PCBP3: variants seen among roughly 807,000 people sequenced by gnomAD.
PCBP3 encodes the protein poly(rC) binding protein 3.
Under a neutral mutation model 52.7 loss-of-function variants are expected in PCBP3, and 25 were observed. The ratio of observed to expected loss-of-function variants is 0.47; its 90% confidence interval spans 0.35 to 0.66. The LOEUF is 0.66. Ranked by LOEUF, PCBP3 falls within the 30% of genes least tolerant of loss-of-function variation. PCBP3 has a pLI of 0.01. For synonymous variants in PCBP3, 162 were observed against 183.0 expected, an observed-to-expected ratio of 0.89 and a Z score of 0.93; for missense variants, 391 against 490.3, an observed-to-expected ratio of 0.80 and a Z score of 1.91.
At chr21:45,861,966 G>C (rs1436661317) in intron 5 of PCBP3, among the ~76,000 whole-genome samples, 1 of 152,214 alleles carries the variant, frequency 6.6e-6, no homozygotes, top group Non-Finnish European at 1.5e-5. Context: ...CGCCTGGGAA[G>C]GGTCGGCCTG....
In PCBP3 at chr21:45,704,617, A is replaced by T. The variant is rs142677634; in HGVS notation, c.-199-30775A>T. On this transcript the variant is annotated intron_variant, in intron 2 of 17. Transcript: ENST00000681687. This position sits in a 1 kb window ranked among gnomAD's most constrained non-coding sequence, Gnocchi z 4.1. The stretch of plus-strand genomic sequence containing the variant: ...TAAAACATTGTCTAAGTGAAGGGCA[A>T]TCGTATTTGAAGTAATTTGAAGATT... 1.3e-5 allele frequency among the ~76,000 whole-genome samples: 2 copies of T among 152,116 alleles called. No individual in the cohort carries two copies. Among genetic ancestry groups the T allele is most frequent in the Non-Finnish European group, 2.9e-5 (2 of 68,028 alleles).
intron 4 of PCBP3, among the ~76,000 whole-genome samples, chr21:45,785,019 C>T (rs1363298374): frequency 2.6e-5 from 4 of 151,064 alleles, no homozygotes; most frequent in African/African-American, 4.9e-5. Flanking sequence ...AAGTGAGGAG[C>T]GTCTCTGCCC....
chr21:45,779,173 C>G (rs966560704), intron 4 of PCBP3, among the ~76,000 whole-genome samples: 3 of 152,224 alleles, frequency 2.0e-5, no homozygotes, highest in Admixed American at 6.5e-5. Context: ...GAAAATGGTG[C>G]CTTGCTGTAG....
At chr21:45,864,648 T>C (rs2094640046) in intron 5 of PCBP3, among the ~76,000 whole-genome samples, 1 of 152,196 alleles carries the variant, frequency 6.6e-6, no homozygotes, top group African/African-American at 2.4e-5. Context: ...TTAGTCACAT[T>C]TCCTGCTCCT....
chr21:45,740,377 T>A (rs1011703549), intron 3 of PCBP3, among the ~76,000 whole-genome samples: 3 of 152,176 alleles, frequency 2.0e-5, no homozygotes, highest in African/African-American at 7.2e-5. Context: ...TTAAAAAAAA[T>A]TATTCCCTTG....
At position 45,821,183 on chromosome 21, in the gene PCBP3, T is replaced by C. The variant is rs2877093; in HGVS notation, c.-125-28778T>C. Among the ~76,000 whole-genome samples the C allele has an allele frequency of 0.028, 4,277 of 152,086 alleles. 220 individuals are homozygous for C. The highest frequency in any genetic ancestry group is 0.096 in the African/African-American group (3,985 of 41,476). ...CTGCTCCCCCTTCCCGGTTCCCACT[T>C]TTTGCCTGGCAGGCTGGGAGGGACC... On this transcript the variant is annotated intron_variant, in intron 4 of 17. Coordinates refer to ENST00000681687, the MANE Select transcript of PCBP3 (RefSeq NM_001384156.1). The surrounding 1 kb of genome is among the most constrained non-coding windows in gnomAD (Gnocchi z 4.4).
chr21:45,787,457 A>G (rs2091243213), intron 4 of PCBP3, among the ~76,000 whole-genome samples: 1 of 151,166 alleles, frequency 6.6e-6, no homozygotes, highest in Admixed American at 6.6e-5. Flanking sequence ...TGTGTTGCCC[A>G]TGCTGGTCTC....
At position 45,912,571 on chromosome 21, in the gene PCBP3, T is replaced by C. The variant is rs1264252150; in HGVS notation, c.601-1380T>C. On this transcript the variant is annotated intron_variant, in intron 11 of 17. Transcript: ENST00000681687. ...CTGAGAATACAGACATCGCCACAGA[T>C]GGTGCCCTGCCCACCCAGGGCCCAG... Among the ~76,000 whole-genome samples the C allele has an allele frequency of 5.9e-5, 9 of 152,156 alleles. No individual in the cohort carries two copies. The East Asian group carries it at 1.7e-3, about 30-fold the overall frequency.
At chr21:45,721,778 C>T (rs1298926693) in intron 2 of PCBP3, among the ~76,000 whole-genome samples, 1 of 152,164 alleles carries the variant, frequency 6.6e-6, no homozygotes, top group African/African-American at 2.4e-5. Context: ...CTGAGTCTTA[C>T]TGTTGATGAA....
At chr21:45,799,166 A>G (rs1432425224) in intron 4 of PCBP3, among the ~76,000 whole-genome samples, 2 of 152,272 alleles carry the variant, frequency 1.3e-5, no homozygotes, top group East Asian at 3.8e-4. Flanking sequence ...GGACGAATTC[A>G]TGACACACAG....
At chr21:45,660,490 G>A (rs957549221) in intron 1 of PCBP3, among the ~76,000 whole-genome samples, 7 of 152,118 alleles carry the variant, frequency 4.6e-5, no homozygotes, top group Admixed American at 3.3e-4. Flanking sequence ...ATTTATGCCA[G>A]CCATTTTGCT....
intron 4 of PCBP3, among the ~76,000 whole-genome samples, chr21:45,797,423 G>C (rs1245861200): frequency 2.0e-5 from 3 of 151,930 alleles, no homozygotes; most frequent in Non-Finnish European, 4.4e-5. Flanking sequence ...GTGAATGCGT[G>C]GATGGACGAG....
chr21:45,731,057 A>G lies in PCBP3; in HGVS notation c.-199-4335A>G, dbSNP rs575073842. Among the ~76,000 whole-genome samples the G allele has an allele frequency of 4.2e-4, 64 of 152,148 alleles. 1 individual carries two copies. In the South Asian group the frequency reaches 0.013, roughly 31 times the overall value. ...TGATATGGTTGGGTATAAATCTGTC[A>G]TTTTGCTGTTGGATTTCTATTTTTC... On this transcript the variant is annotated intron_variant, in intron 2 of 17. Coordinates refer to ENST00000681687, the MANE Select transcript of PCBP3 (RefSeq NM_001384156.1).
chr21:45,857,965 C>T (rs1603451645), intron 5 of PCBP3, among the ~76,000 whole-genome samples: 1 of 152,240 alleles, frequency 6.6e-6, no homozygotes, highest in Non-Finnish European at 1.5e-5. Context: ...TGTTGCCTCC[C>T]CCCACAGCCA....
intron 2 of PCBP3, among the ~76,000 whole-genome samples, chr21:45,691,065 A>G (rs913313393): frequency 6.6e-6 from 1 of 152,168 alleles, no homozygotes; most frequent in African/African-American, 2.4e-5. Flanking sequence ...GACATGTACA[A>G]AAGTGTTCAC....
chr21:45,899,184 C>T (rs1050035559), intron 6 of PCBP3, among the ~76,000 whole-genome samples: 2 of 152,260 alleles, frequency 1.3e-5, no homozygotes, highest in South Asian at 4.1e-4. Flanking sequence ...ATAGGAGTCA[C>T]GGAGCAATTG....
chr21:45,789,514 G>A (rs576546346), intron 4 of PCBP3, among the ~76,000 whole-genome samples: 3 of 152,220 alleles, frequency 2.0e-5, no homozygotes, highest in Non-Finnish European at 2.9e-5. Flanking sequence ...TATTAAGAAG[G>A]TGATGTTAAA....
intron 4 of PCBP3, among the ~76,000 whole-genome samples, chr21:45,790,171 G>T (rs528004535): frequency 6.6e-6 from 1 of 152,218 alleles, no homozygotes; most frequent in South Asian, 2.1e-4. Context: ...TCTCTCAGGG[G>T]ATCCAGTGGG....
chr21:45,938,933 C>T (rs913838110), intron 16 of PCBP3, among the ~76,000 whole-genome samples: 6 of 152,236 alleles, frequency 3.9e-5, no homozygotes, highest in Admixed American at 2.0e-4. Context: ...AGCCCCTTCA[C>T]GCTTGCAAGT....
Sources: allele counts gnomAD v4.1 joint callset (sites outside exome capture counted in the v4.1 genomes callset), GRCh38; gene constraint gnomAD v4.1.1; non-coding constraint Gnocchi (gnomAD v3.1); transcripts MANE v1.5; gene names NCBI Gene and HGNC (gene_info 2026-07-23, HGNC 2026-07-21).